The following PTPRD variants were observed in gnomAD, a reference collection of about 807,000 sequenced individuals.
PTPRD encodes the protein receptor-type tyrosine-protein phosphatase delta.
PTPRD carries 34 observed loss-of-function variants against 214.5 expected under a neutral mutation model. The ratio of observed to expected loss-of-function variants is 0.16; its 90% CI spans 0.12 to 0.21. PTPRD has a LOEUF of 0.21. Among genes scored for constraint, PTPRD ranks in the 10% least tolerant of loss-of-function variants. The pLI, the probability that PTPRD is intolerant of heterozygous loss-of-function variation, is 1.00. For synonymous variants in PTPRD, 1,128 were observed against 845.7 expected (o/e 1.33, Z -5.79); for missense variants, 2,545 against 2,398.7 (o/e 1.06, Z -1.27).
At chr9:9,591,646 T>C (rs1023913835) in intron 7 of PTPRD, among the ~76,000 whole-genome samples, 3 of 152,112 alleles carry the variant, frequency 2.0e-5, no homozygotes, top group Non-Finnish European at 2.9e-5. Context: ...TTTAGCTATG[T>C]ATTTTTCTGG....
chr9:8,943,893 G>T (rs2099048513), intron 11 of PTPRD, among the ~76,000 whole-genome samples: 1 of 151,676 alleles, frequency 6.6e-6, no homozygotes, highest in Non-Finnish European at 1.5e-5. Context: ...AACAAAAAAG[G>T]GCAACTAGGA....
intron 10 of PTPRD, among the ~76,000 whole-genome samples, chr9:9,152,153 T>C (rs2099877366): frequency 6.6e-6 from 1 of 152,192 alleles, no homozygotes; most frequent in Non-Finnish European, 1.5e-5. Flanking sequence ...CCTTGCACAT[T>C]TGCATGCACT....
chr9:8,834,360 G>A (rs996829326), intron 11 of PTPRD, among the ~76,000 whole-genome samples: 11 of 152,044 alleles, frequency 7.2e-5, no homozygotes, highest in Non-Finnish European at 1.5e-4. Context: ...TCACATGATA[G>A]TGTTTCTTTT....
intron 14 of PTPRD, among the ~76,000 whole-genome samples, chr9:8,552,904 C>G (rs980543306): frequency 6.6e-6 from 1 of 152,184 alleles, no homozygotes; most frequent in African/African-American, 2.4e-5. Flanking sequence ...ACAAACACTT[C>G]TGGAGAACAA....
intron 14 of PTPRD, among the ~76,000 whole-genome samples, chr9:8,555,768 A>T (rs999632357): frequency 1.3e-5 from 2 of 152,210 alleles, no homozygotes; most frequent in Non-Finnish European, 2.9e-5. Context: ...TACATCTAGA[A>T]AGAGAGTCTA....
At chr9:10,255,567 T>A (rs2093190503) in intron 3 of PTPRD, among the ~76,000 whole-genome samples, 2 of 152,200 alleles carry the variant, frequency 1.3e-5, no homozygotes, top group Non-Finnish European at 2.9e-5. Context: ...GACATTACAC[T>A]ACTATAGATT....
At chr9:9,955,348 A>T (rs547398312) in intron 4 of PTPRD, among the ~76,000 whole-genome samples, 7 of 152,278 alleles carry the variant, frequency 4.6e-5, no homozygotes, top group African/African-American at 1.7e-4. Context: ...TATTTAAGCT[A>T]TATTCTTAAA....
At chr9:10,299,610 A>G (rs575754869) in intron 3 of PTPRD, among the ~76,000 whole-genome samples, 1 of 152,316 alleles carries the variant, frequency 6.6e-6, no homozygotes, top group South Asian at 2.1e-4. Context: ...CAGACCTTAC[A>G]TTGGCCAAGG....
chr9:9,949,738 T>C (rs2093245247), intron 4 of PTPRD, among the ~76,000 whole-genome samples: 1 of 152,086 alleles, frequency 6.6e-6, no homozygotes, highest in Non-Finnish European at 1.5e-5. Context: ...TCTTGACGAA[T>C]GGGGAGCAAG....
intron 3 of PTPRD, among the ~76,000 whole-genome samples, chr9:10,063,637 T>A (rs1327152589): frequency 6.6e-6 from 1 of 152,008 alleles, no homozygotes; most frequent in African/African-American, 2.4e-5. Flanking sequence ...CACATTAGTG[T>A]CATATGTACT....
At chr9:10,410,286 A>C (rs928713736) in intron 2 of PTPRD, among the ~76,000 whole-genome samples, 8 of 116,000 alleles carry the variant, frequency 6.9e-5, no homozygotes, top group Non-Finnish European at 9.4e-5. Flanking sequence ...CACACACACA[A>C]TATATAATAT....
At chr9:9,179,743 G>A (rs1569559305) in intron 10 of PTPRD, among the ~76,000 whole-genome samples, 1 of 152,002 alleles carries the variant, frequency 6.6e-6, no homozygotes, top group Non-Finnish European at 1.5e-5. Context: ...TTTTGATTCT[G>A]TCAATCAGGA....
chr9:9,046,740 T>C (rs181554080), intron 10 of PTPRD, among the ~76,000 whole-genome samples: 2 of 152,272 alleles, frequency 1.3e-5, no homozygotes, highest in Admixed American at 1.3e-4. Context: ...AAAGCAACCA[T>C]AGGCAATACA....
At chr9:10,526,187 C>A (rs1049464439) in intron 2 of PTPRD, among the ~76,000 whole-genome samples, 1 of 151,968 alleles carries the variant, frequency 6.6e-6, no homozygotes, top group Non-Finnish European at 1.5e-5. Context: ...CCAACTAAGT[C>A]TTTGAAGAAT....
chr9:9,356,558 A>G (rs1012454131), intron 9 of PTPRD, among the ~76,000 whole-genome samples: 2 of 151,412 alleles, frequency 1.3e-5, no homozygotes, highest in South Asian at 4.1e-4. Flanking sequence ...TTAAGATGTC[A>G]TTTTCTCCAT....
chr9:10,203,946 C>G (rs540219813), intron 3 of PTPRD, among the ~76,000 whole-genome samples: 40 of 152,302 alleles, frequency 2.6e-4, no homozygotes, highest in African/African-American at 9.4e-4. Context: ...ATTTCTATCC[C>G]TGCCTCAATT....
intron 3 of PTPRD, among the ~76,000 whole-genome samples, chr9:10,301,949 A>C (rs1291636350): frequency 6.6e-6 from 1 of 152,194 alleles, no homozygotes; most frequent in Non-Finnish European, 1.5e-5. Context: ...TGAGAAGAGC[A>C]ACCCCAAGAC....
intron 14 of PTPRD, among the ~76,000 whole-genome samples, chr9:8,533,405 T>C (rs1337299140): frequency 1.3e-5 from 2 of 152,058 alleles, no homozygotes; most frequent in African/African-American, 4.8e-5. Flanking sequence ...AATACAAATA[T>C]GTTTATAAAG....
At chr9:10,081,746 G>T (rs2098241625) in intron 3 of PTPRD, among the ~76,000 whole-genome samples, 1 of 152,098 alleles carries the variant, frequency 6.6e-6, no homozygotes. Flanking sequence ...TAAGGAAATA[G>T]CATTGGTTTT....
Sources: gnomAD v4.1 joint callset for allele counts (sites outside exome capture counted in the v4.1 genomes callset) on GRCh38, gnomAD v4.1.1 for gene constraint, MANE v1.5 for transcripts, NCBI Gene and HGNC (gene_info 2026-07-23, HGNC 2026-07-21) for gene names.